PTPN14: variants seen among roughly 807,000 people sequenced by gnomAD.
PTPN14 encodes the protein tyrosine-protein phosphatase non-receptor type 14.
A neutral mutation model predicts 126.8 loss-of-function variants in PTPN14; 53 were observed. The observed-to-expected ratio is 0.42, with a 90% CI of 0.34 to 0.53. The LOEUF (loss-of-function observed/expected upper bound fraction) is 0.53, where lower values mean the gene tolerates loss of function less well. PTPN14 is among the 20% of genes least tolerant of loss of function. The pLI is 0.08. For synonymous variants in PTPN14, 630 were observed against 599.3 expected (o/e 1.05, Z -0.75); for missense variants, 1,257 against 1,552.9 (o/e 0.81, Z 3.20).
intron 5 of PTPN14, among the ~76,000 whole-genome samples, chr1:214,409,532 G>T (rs1659249973): frequency 6.6e-6 from 1 of 152,148 alleles, no homozygotes; most frequent in Non-Finnish European, 1.5e-5. Flanking sequence ...GATCATGGGA[G>T]TGTAGACATC....
At position 214,451,798 on chromosome 1, in the gene PTPN14, C is replaced by T. The variant is rs1660277574; in HGVS notation, c.344+7G>A. 1 of 1,613,300 alleles carries T rather than the reference C, an allele frequency of 6.2e-7. No individual in the cohort carries two copies. On this transcript the variant is annotated splice_region_variant and intron_variant, in intron 3 of 18. Transcript: ENST00000366956. ...TTATATGGCACACAGGGGGAAAATG[C>T]ACCTACCTTGTGGCCTCTTGCTGAA...
intron 1 of PTPN14, among the ~76,000 whole-genome samples, chr1:214,546,631 A>G (rs1447927007): frequency 6.6e-6 from 1 of 152,188 alleles, no homozygotes; most frequent in Non-Finnish European, 1.5e-5. Context: ...ACGATGCTAC[A>G]TCACCAAAGG....
chr1:214,479,497 G>C (rs1327933038), intron 1 of PTPN14, among the ~76,000 whole-genome samples: 1 of 151,934 alleles, frequency 6.6e-6, no homozygotes. Flanking sequence ...CCACCACCAA[G>C]CCCGGCTAAT....
intron 1 of PTPN14, among the ~76,000 whole-genome samples, chr1:214,525,522 T>C (rs1349076425): frequency 6.6e-6 from 1 of 152,220 alleles, no homozygotes; most frequent in African/African-American, 2.4e-5. Context: ...CTTGAATCTT[T>C]CCTGGACAAA....
chr1:214,544,578 C>A (rs1263121597), intron 1 of PTPN14, among the ~76,000 whole-genome samples: 1 of 152,094 alleles, frequency 6.6e-6, no homozygotes, highest in Non-Finnish European at 1.5e-5. Flanking sequence ...AGCAAAACCC[C>A]ATCTCTACTA....
At chr1:214,434,870 T>C (rs1018391958) in intron 3 of PTPN14, among the ~76,000 whole-genome samples, 2 of 152,168 alleles carry the variant, frequency 1.3e-5, no homozygotes, top group African/African-American at 4.8e-5. Context: ...CCTGGACTTC[T>C]TTGCCCTGGT....
intron 2 of PTPN14, 139 bp from the exon 3 acceptor site, chr1:214,452,113 T>C (rs1660285494): frequency 2.2e-6 from 2 of 907,146 alleles, no homozygotes; most frequent in Admixed American, 5.6e-5. Flanking sequence ...GACATATAAC[T>C]TTGGGACTAA....
At chr1:214,496,494 C>T (rs1654517825) in intron 1 of PTPN14, among the ~76,000 whole-genome samples, 2 of 152,172 alleles carry the variant, frequency 1.3e-5, no homozygotes, top group African/African-American at 4.8e-5. Flanking sequence ...CTGCCCTGCT[C>T]CCCAAACTTC....
At chr1:214,432,710 T>C (rs1481054432) in intron 3 of PTPN14, among the ~76,000 whole-genome samples, 2 of 150,152 alleles carry the variant, frequency 1.3e-5, no homozygotes, top group African/African-American at 2.5e-5. Flanking sequence ...AAAGAGCATA[T>C]ACTGTATTAC....
At chr1:214,495,663 TTTTA>T (rs869249183) in intron 1 of PTPN14, among the ~76,000 whole-genome samples, 303 of 3,620 alleles carry the variant, frequency 0.084, no homozygotes, top group South Asian at 0.28. Flanking sequence ...ATTTTATTTT[TTTTA>T]TTTATTTATT....
chr1:214,443,681 A>C (rs1660082281), intron 3 of PTPN14, among the ~76,000 whole-genome samples: 1 of 152,150 alleles, frequency 6.6e-6, no homozygotes, highest in South Asian at 2.1e-4. Context: ...GAAAATGCAG[A>C]ATCCACTGTT....
At chr1:214,490,857 A>AGGAG (rs1661217140) in intron 1 of PTPN14, among the ~76,000 whole-genome samples, 1 of 11,324 alleles carries the variant, frequency 8.8e-5, no homozygotes, top group Non-Finnish European at 1.4e-4. Flanking sequence ...AAGGAAGGGA[A>AGGAG]GGGAGGGGAG....
At chr1:214,534,739 T>TAAATAAATAAATAAAA (rs1246810260) in intron 1 of PTPN14, among the ~76,000 whole-genome samples, 12 of 151,788 alleles carry the variant, frequency 7.9e-5, no homozygotes, top group Non-Finnish European at 1.3e-4. Context: ...AATAAATAAA[T>TAAATAAATAAATAAAA]AAAAGACGGA....
At chr1:214,525,541 T>C (rs1655367483) in intron 1 of PTPN14, among the ~76,000 whole-genome samples, 2 of 152,214 alleles carry the variant, frequency 1.3e-5, no homozygotes, top group Non-Finnish European at 2.9e-5. Flanking sequence ...AAAACAAACC[T>C]GGCAACTAGT....
Position 214,355,959 on chromosome 1 carries a change from C to CTTTTTTTTTTTTTTTTTT in PTPN14, c.*1945_*1962dup, listed in dbSNP as rs58372033. Reference sequence around the variant, plus strand: ...TAGTTTTTCTTGACAACCTTTTTTCCTTTTTTTTTTTTTTTTTTGGAGGCA... The same window carrying CTTTTTTTTTTTTTTTTTT: ...TAGTTTTTCTTGACAACCTTTTTTCCTTTTTTTTTTTTTTTTTTTTTTTTTTTTTTTTTTTTGGAGGCA... On this transcript the variant is annotated 3_prime_UTR_variant, in exon 19 of 19. Coordinates refer to ENST00000366956, the MANE Select transcript of PTPN14 (RefSeq NM_005401.5). 14 of 101,650 alleles carry CTTTTTTTTTTTTTTTTTT rather than the reference C, an allele frequency of 1.4e-4. 1 individual carries two copies. The South Asian group carries it at 4.6e-3, about 33-fold the overall frequency. 6.3% of individuals were successfully genotyped at this position (101,650 alleles called of 1,614,324 possible).
At chr1:214,368,176 AT>A (rs1412628523) in intron 17 of PTPN14, among the ~76,000 whole-genome samples, 9 of 104,930 alleles carry the variant, frequency 8.6e-5, no homozygotes, top group Admixed American at 1.8e-4. Flanking sequence ...CATGAAAACA[AT>A]TTTTTTAATG....
At chr1:214,421,231 A>G (rs1012727335) in intron 3 of PTPN14, among the ~76,000 whole-genome samples, 1 of 152,258 alleles carries the variant, frequency 6.6e-6, no homozygotes, top group Admixed American at 6.5e-5. Context: ...AAAGAATGAT[A>G]TATTGATACA....
intron 1 of PTPN14, among the ~76,000 whole-genome samples, chr1:214,548,116 C>G (rs1172083891): frequency 6.6e-6 from 1 of 152,122 alleles, no homozygotes; most frequent in Non-Finnish European, 1.5e-5. Flanking sequence ...CCTGAGAGGC[C>G]AAATGTTACC....
chr1:214,495,919 C>T (rs755529602), intron 1 of PTPN14, among the ~76,000 whole-genome samples: 14 of 152,052 alleles, frequency 9.2e-5, no homozygotes, highest in Admixed American at 6.6e-5. Context: ...GTCTCGAACT[C>T]CCGACCTCTG....
Sources: allele counts gnomAD v4.1 joint callset (sites outside exome capture counted in the v4.1 genomes callset), GRCh38; gene constraint gnomAD v4.1.1; transcripts MANE v1.5; gene names NCBI Gene and HGNC (gene_info 2026-07-23, HGNC 2026-07-21).